The following RIMS1 variants were observed in gnomAD, a reference collection of about 807,000 sequenced individuals.
RIMS1 encodes regulating synaptic membrane exocytosis 1, also known as regulating synaptic membrane exocytosis protein 1.
A neutral mutation model predicts 214.1 loss-of-function variants in RIMS1; 83 were observed. The observed-to-expected ratio is 0.39, with a 90% CI of 0.32 to 0.47. RIMS1 has a LOEUF of 0.47. Ranked by LOEUF, RIMS1 falls within the 20% of genes least tolerant of loss-of-function variation. RIMS1 has a pLI of 0.99. For missense variants in RIMS1, 2,050 were observed against 2,161.8 expected, an observed-to-expected ratio of 0.95 and a Z score of 1.03; for synonymous variants, 793 against 786.8, an observed-to-expected ratio of 1.01 and a Z score of -0.13.
In RIMS1 at chr6:72,093,228, A is replaced by ATAT. The variant is rs200655727; in HGVS notation, c.246-3721_246-3720insTAT. 2.5e-3 allele frequency among the ~76,000 whole-genome samples: 344 copies of ATAT among 137,034 alleles called. 9 individuals carry two copies. Among genetic ancestry groups the ATAT allele is most frequent in the Admixed American group, 5.4e-3 (70 of 12,912 alleles). The allele number at this position is 137,034 out of a possible 152,430, so 89.9% of individuals were successfully genotyped here. ...TATGTGAGTATATATATATATATAT[A>ATAT]AAAACATGTGTGTATATATGTATAT... On this transcript the variant is annotated intron_variant, in intron 2 of 33. Coordinates refer to ENST00000521978, the MANE Select transcript of RIMS1 (RefSeq NM_014989.7).
chr6:72,179,933 C>T lies in RIMS1; in HGVS notation c.812+18C>T, dbSNP rs991385041. On this transcript the variant is annotated intron_variant, in intron 5 of 33. Coordinates refer to ENST00000521978, the MANE Select transcript of RIMS1 (RefSeq NM_014989.7). ...AGAGAGAGGTAATAGTTCTTTCACC[C>T]TGTAAGCAAAAGGCAAGATTTTGCT... is the stretch of plus-strand genomic sequence containing the variant. 2 of 1,407,118 alleles carry T rather than the reference C, an allele frequency of 1.4e-6. No individual in the cohort carries two copies. The highest frequency in any genetic ancestry group is 2.9e-5 in the African/African-American group (2 of 69,736). The allele number at this position is 1,407,118 out of a possible 1,614,324, so 87.2% of individuals were successfully genotyped here. A position where few individuals can be genotyped will look rare whatever the true frequency, so the allele number is the denominator to read the frequency against.
In RIMS1 at chr6:72,200,922, C is replaced by G. The variant is rs541936092; in HGVS notation, c.1678+17773C>G. 1.7e-3 allele frequency among the ~76,000 whole-genome samples: 258 copies of G among 147,642 alleles called. 2 individuals carry two copies. Among genetic ancestry groups the G allele is most frequent in the Non-Finnish European group, 2.3e-3 (152 of 66,894 alleles). Reference sequence around the variant, plus strand: ...GTGGTCTGAGCTAACATGCCAATTTCTTATTTCTAAGAATATGCATTAAGA... The same window carrying G: ...GTGGTCTGAGCTAACATGCCAATTTGTTATTTCTAAGAATATGCATTAAGA... On this transcript the variant is annotated intron_variant, in intron 6 of 33. Coordinates refer to ENST00000521978, the MANE Select transcript of RIMS1 (RefSeq NM_014989.7).
At chr6:72,112,460 A>G (rs2036291255) in intron 4 of RIMS1, among the ~76,000 whole-genome samples, 1 of 151,992 alleles carries the variant, frequency 6.6e-6, no homozygotes, top group African/African-American at 2.4e-5. Flanking sequence ...GACCCCTACA[A>G]TTGTACCCAA....
chr6:72,393,214 A>C (rs551283386), intron 31 of RIMS1, among the ~76,000 whole-genome samples: 1 of 152,270 alleles, frequency 6.6e-6, no homozygotes, highest in Non-Finnish European at 1.5e-5. Flanking sequence ...CTCAACTATA[A>C]AAAAGAAAAG....
intron 4 of RIMS1, chr6:72,126,761 T>TAAAAAAAAA (rs71540329): frequency 1.2e-4 from 15 of 124,550 alleles, no homozygotes; most frequent in Non-Finnish European, 1.2e-4. Context: ...ATTAAAAAGT[T>TAAAAAAAAA]AAAAAAAAAA....
intron 1 of RIMS1, among the ~76,000 whole-genome samples, chr6:71,951,521 C>CGGAG (rs1583334921): frequency 7.1e-6 from 1 of 141,036 alleles, no homozygotes. Flanking sequence ...ACAGAGTCTC[C>CGGAG]ACTCTGTCAC....
At chr6:71,939,542 T>TTTATTAAAA (rs1785415712) in intron 1 of RIMS1, among the ~76,000 whole-genome samples, 1 of 152,084 alleles carries the variant, frequency 6.6e-6, no homozygotes, top group Non-Finnish European at 1.5e-5. Flanking sequence ...AAAATAGAGG[T>TTTATTAAAA]ATATTTGCCT....
chr6:72,339,385 A>C (rs1237765232), intron 29 of RIMS1, among the ~76,000 whole-genome samples: 1 of 151,886 alleles, frequency 6.6e-6, no homozygotes, highest in Admixed American at 6.6e-5. Flanking sequence ...TGCACCCATT[A>C]ACTCGTCATT....
intron 28 of RIMS1, among the ~76,000 whole-genome samples, chr6:72,319,785 A>T (rs943909446): frequency 6.6e-6 from 1 of 152,018 alleles, no homozygotes; most frequent in Non-Finnish European, 1.5e-5. Flanking sequence ...TCCTAGATCT[A>T]TGTTTTTAGT....
intron 6 of RIMS1, among the ~76,000 whole-genome samples, chr6:72,203,873 C>A (rs2052461058): frequency 6.6e-6 from 1 of 152,144 alleles, no homozygotes. Flanking sequence ...ATTGGCAAAT[C>A]TCAAACCTGA....
intron 2 of RIMS1, among the ~76,000 whole-genome samples, chr6:71,983,493 A>G: frequency 6.6e-6 from 1 of 152,120 alleles, no homozygotes; most frequent in East Asian, 1.9e-4. Flanking sequence ...TTTTCTTTCA[A>G]CATTGGCATA....
chr6:72,000,271 T>A (rs2151717006), intron 2 of RIMS1, among the ~76,000 whole-genome samples: 1 of 152,262 alleles, frequency 6.6e-6, no homozygotes, highest in African/African-American at 2.4e-5. Context: ...TAGTATAAAA[T>A]AACAACCCAA....
At chr6:72,327,233 A>G (rs2096505145) in intron 28 of RIMS1, among the ~76,000 whole-genome samples, 1 of 151,806 alleles carries the variant, frequency 6.6e-6, no homozygotes, top group Non-Finnish European at 1.5e-5. Flanking sequence ...CACCTTTTCC[A>G]TTTAATGCTT....
intron 26 of RIMS1, among the ~76,000 whole-genome samples, chr6:72,297,534 C>T (rs1037088669): frequency 6.6e-6 from 1 of 151,964 alleles, no homozygotes; most frequent in Non-Finnish European, 1.5e-5. Context: ...GAAATATGCA[C>T]ATTTAGGGCC....
intron 1 of RIMS1, among the ~76,000 whole-genome samples, chr6:71,912,379 T>A (rs1309409666): frequency 6.6e-6 from 1 of 152,136 alleles, no homozygotes; most frequent in Non-Finnish European, 1.5e-5. Flanking sequence ...TTTCTTGCTT[T>A]GTTGTGTCTC....
chr6:72,127,344 G>A (rs958479185), intron 4 of RIMS1, among the ~76,000 whole-genome samples: 3 of 151,688 alleles, frequency 2.0e-5, no homozygotes, highest in African/African-American at 7.3e-5. Flanking sequence ...TGTCACTTGT[G>A]TATATTCCGC....
At chr6:72,332,828 A>G (rs1356309794) in intron 28 of RIMS1, among the ~76,000 whole-genome samples, 3 of 151,850 alleles carry the variant, frequency 2.0e-5, no homozygotes, top group East Asian at 3.9e-4. Context: ...ATTAACAATA[A>G]TATATTCTTT....
chr6:72,213,243 A>G (rs765004875), intron 6 of RIMS1: 3 of 1,524,784 alleles, frequency 2.0e-6, no homozygotes, highest in Non-Finnish European at 2.6e-6. Context: ...GATAATGGTA[A>G]TCCCACTTCA....
intron 4 of RIMS1, among the ~76,000 whole-genome samples, chr6:72,177,382 G>C (rs1350665852): frequency 6.6e-6 from 1 of 152,132 alleles, no homozygotes; most frequent in African/African-American, 2.4e-5. Context: ...CTCCCAAGTA[G>C]CTGGGATTAT....
Sources: allele counts gnomAD v4.1 joint callset (sites outside exome capture counted in the v4.1 genomes callset), GRCh38; gene constraint gnomAD v4.1.1; transcripts MANE v1.5; gene names NCBI Gene and HGNC (gene_info 2026-07-23, HGNC 2026-07-21).